FAM118A: variants seen among roughly 807,000 people sequenced by gnomAD.
FAM118A encodes protein FAM118A.
Under a neutral mutation model 38.2 loss-of-function variants are expected in FAM118A, and 25 were observed. That is an observed-to-expected ratio of 0.65 (90% CI 0.48 to 0.91). FAM118A has a LOEUF of 0.91. Ranked by LOEUF, FAM118A falls within the 40% of genes least tolerant of loss-of-function variation. The probability of loss-of-function intolerance (pLI) is 0.00; values close to 1 mark genes in which losing one functional copy is unlikely to be tolerated. For synonymous variants in FAM118A, 178 were observed against 184.1 expected (o/e 0.97, Z 0.27); for missense variants, 425 against 463.3 (o/e 0.92, Z 0.76).
At chr22:45,330,803 G>A in intron 5 of FAM118A, 72 bp downstream of exon 5, 1 of 1,416,104 alleles carries the variant, frequency 7.1e-7, no homozygotes, top group Non-Finnish European at 9.3e-7. Flanking sequence ...ATTGGCTGCA[G>A]TTGAGTGGCT....
chr22:45,335,422 T>C (rs202071371), intron 7 of FAM118A, 40 bp downstream of exon 7: 1 of 1,610,682 alleles, frequency 6.2e-7, no homozygotes, highest in East Asian at 2.2e-5. Context: ...GTTTTTTGCC[T>C]ACACATTCCA....
intron 2 of FAM118A, 98 bp downstream of exon 2, chr22:45,322,524 A>G: frequency 9.4e-7 from 1 of 1,059,590 alleles, no homozygotes; most frequent in Non-Finnish European, 1.4e-6. Context: ...GCAAGGGCGA[A>G]AGTGAAATGG....
chr22:45,312,361 C>T (rs1371263847), intron 1 of FAM118A, among the ~76,000 whole-genome samples: 1 of 152,110 alleles, frequency 6.6e-6, no homozygotes, highest in Non-Finnish European at 1.5e-5. Flanking sequence ...AGTTGGGGTT[C>T]CCATGACCCT....
At chr22:45,323,687 T>G (rs1420314157) in intron 3 of FAM118A, among the ~76,000 whole-genome samples, 1 of 152,226 alleles carries the variant, frequency 6.6e-6, no homozygotes, top group Admixed American at 6.5e-5. Flanking sequence ...TCAGGGAGAT[T>G]GTCCAGCTGC....
At chr22:45,329,946 G>C (rs971026340) in intron 4 of FAM118A, 2 of 152,250 alleles carry the variant, frequency 1.3e-5, no homozygotes, top group African/African-American at 4.8e-5. Flanking sequence ...CCCGTGTTCT[G>C]TATCTTGATA....
chr22:45,322,425 A>G lies in FAM118A; in HGVS notation c.46A>G (p.Arg16Gly). 1 of 1,609,704 alleles carries G rather than the reference A, an allele frequency of 6.2e-7. No homozygotes were observed. The highest frequency in any genetic ancestry group is 8.5e-7 in the Non-Finnish European group (1 of 1,178,642). The change falls in exon 2 of 9, where the codon AGA becomes GGA. Residue 16 changes from arginine to glycine, a missense_variant and splice_region_variant. Coordinates refer to ENST00000441876, the MANE Select transcript of FAM118A (RefSeq NM_017911.4). ...KTTNRSEQKS[R>G]KFLKSLIRKQ... ...AACAAATAGAAGTGAACAAAAATCCAGGTAATTAAAGGCAACTATACCTTC... is the reference window on the plus strand; with the variant it reads ...AACAAATAGAAGTGAACAAAAATCCGGGTAATTAAAGGCAACTATACCTTC...
At chr22:45,338,048 T>A (rs1053637640) in intron 8 of FAM118A, 1 of 246,780 alleles carries the variant, frequency 4.1e-6, no homozygotes, top group African/African-American at 2.3e-5. Flanking sequence ...TGTATTTAGG[T>A]GGAAAACTTT....
chr22:45,334,585 T>C (rs550917508), intron 6 of FAM118A, among the ~76,000 whole-genome samples: 1 of 152,316 alleles, frequency 6.6e-6, no homozygotes, highest in Admixed American at 6.5e-5. Flanking sequence ...CACCCTCTGC[T>C]CGGAGTTCCA....
chr22:45,320,987 A>G (rs1345013860), intron 1 of FAM118A, among the ~76,000 whole-genome samples: 1 of 152,254 alleles, frequency 6.6e-6, no homozygotes, highest in Non-Finnish European at 1.5e-5. Context: ...TGTCAGTAAG[A>G]GAGAATTCCA....
In FAM118A at chr22:45,321,400, A is replaced by T. The variant is rs570553685; in HGVS notation, c.-9-971A>T. Among the ~76,000 whole-genome samples the T allele has an allele frequency of 2.0e-5, 3 of 151,886 alleles. No individual in the cohort carries two copies. In the East Asian group the frequency reaches 5.8e-4, roughly 29 times the overall value. The stretch of plus-strand genomic sequence containing the variant: ...TTGGGGGGAAACGCGATTTTGGAAA[A>T]TTTTTATTTTTTATTTATTTTTTAT... On this transcript the variant is annotated intron_variant, in intron 1 of 8. Transcript: ENST00000441876.
chr22:45,337,970 T>G, intron 8 of FAM118A: 1 of 895,204 alleles, frequency 1.1e-6, no homozygotes, highest in Non-Finnish European at 1.3e-6. Flanking sequence ...GATTTGAAGG[T>G]ACCCGTTGCT....
chr22:45,330,423 A>C, intron 4 of FAM118A, 180 bp from the exon 5 acceptor site: 1 of 561,536 alleles, frequency 1.8e-6, no homozygotes, highest in Non-Finnish European at 2.8e-6. Context: ...GGACGGGAAT[A>C]ACTAGGGCTC....
rs2085795953 is a variant in FAM118A at position 45,332,538 on chromosome 22, G to A, written c.765G>A (p.Val255=). The change falls in exon 6 of 9, where the codon GTG becomes GTA. Residue 255 remains valine (V), a synonymous_variant. Transcript: ENST00000441876. ...TTCTTTACTCCGTGCCGAATAAGGTGGATTTGGAGCACTACATGCTTGTGC... is the reference window on the plus strand; with the variant it reads ...TTCTTTACTCCGTGCCGAATAAGGTAGATTTGGAGCACTACATGCTTGTGC... The part of the protein sequence containing the change: ...ALFLYSVPNK[V]DLEHYMLVLK... 1 of 1,614,050 alleles carries A rather than the reference G, an allele frequency of 6.2e-7. No homozygotes were observed. The highest frequency in any genetic ancestry group is 8.5e-7 in the Non-Finnish European group (1 of 1,180,046).
intron 3 of FAM118A, among the ~76,000 whole-genome samples, chr22:45,324,733 G>A (rs2085134889): frequency 6.6e-6 from 1 of 152,142 alleles, no homozygotes; most frequent in South Asian, 2.1e-4. Context: ...AGACTTTCTG[G>A]CCCACAAGGC....
In FAM118A at chr22:45,341,819, ATAAAGT is replaced by A. The variant is rs1431233318; in HGVS notation, c.*1418_*1423del. ...CCATTGATGACTCCCATAGGTACAG[ATAAAGT>A]TAAGAACAGGAAACAGAAGGGTAGG... On this transcript the variant is annotated 3_prime_UTR_variant, in exon 9 of 9. Transcript: ENST00000441876. 6.6e-6 allele frequency: 1 copy of A among 152,224 alleles called. No homozygotes were observed. The highest frequency in any genetic ancestry group is 2.4e-5 in the African/African-American group (1 of 41,448). The allele number at this position is 152,224 out of a possible 1,614,324, so 9.4% of individuals were successfully genotyped here.
intron 1 of FAM118A, among the ~76,000 whole-genome samples, chr22:45,316,715 T>G (rs930420855): frequency 6.6e-6 from 1 of 152,200 alleles, no homozygotes; most frequent in Admixed American, 6.5e-5. Flanking sequence ...GCTTTCTTAG[T>G]GTGAGGCGCT....
At chr22:45,324,991 G>A (rs939944397) in intron 3 of FAM118A, among the ~76,000 whole-genome samples, 2 of 152,218 alleles carry the variant, frequency 1.3e-5, no homozygotes, top group Non-Finnish European at 2.9e-5. Flanking sequence ...AGGTTGCAAT[G>A]AACCAAGATT....
chr22:45,336,816 C>T (rs1223471225), intron 8 of FAM118A, among the ~76,000 whole-genome samples: 1 of 152,190 alleles, frequency 6.6e-6, no homozygotes, highest in Non-Finnish European at 1.5e-5. Flanking sequence ...GCCAGGACAC[C>T]CCTTGTCACT....
rs770269537 is a variant in FAM118A at position 45,328,498 on chromosome 22, G to A, written c.522+435G>A. ...TACTAATAAAGTAGCCAGGCATGGT[G>A]GCGCCTGCCTGCAGTCCCCGCTACT... is the stretch of plus-strand genomic sequence containing the variant. On this transcript the variant is annotated intron_variant, in intron 4 of 8. Transcript: ENST00000441876. The A allele has an allele frequency of 2.9e-5, 23 of 804,556 alleles. No homozygotes were observed. The African/African-American group carries it at 3.1e-4, about 11-fold the overall frequency. 49.8% of individuals were successfully genotyped at this position (804,556 alleles called of 1,614,324 possible). A position where few individuals can be genotyped will look rare whatever the true frequency, so the allele number is the denominator to read the frequency against.
Sources: gnomAD v4.1 joint callset for allele counts (sites outside exome capture counted in the v4.1 genomes callset) on GRCh38, gnomAD v4.1.1 for gene constraint, MANE v1.5 for transcripts, NCBI Gene and HGNC (gene_info 2026-07-23, HGNC 2026-07-21) for gene names.